COL5A3: variants seen among roughly 807,000 people sequenced by gnomAD.
The protein encoded by COL5A3 is collagen type V alpha 3 chain, also known as collagen alpha-3(V) chain.
Under a neutral mutation model 250.0 loss-of-function variants are expected in COL5A3, and 172 were observed. The observed-to-expected ratio is 0.69, with a 90% CI of 0.61 to 0.78. The LOEUF is 0.78. Among genes scored for constraint, COL5A3 ranks in the 30% least tolerant of loss-of-function variants. COL5A3 has a pLI of 0.00. For synonymous variants in COL5A3, 937 were observed against 900.4 expected, an observed-to-expected ratio of 1.04 and a Z score of -0.73; for missense variants, 2,340 against 2,334.4, an observed-to-expected ratio of 1.00 and a Z score of -0.05.
chr19:9,974,881 T>TTTTG (rs554414499), intron 45 of COL5A3, among the ~76,000 whole-genome samples: 4 of 151,890 alleles, frequency 2.6e-5, no homozygotes, highest in African/African-American at 9.7e-5. Context: ...GTTTGTTTGT[T>TTTTG]TTTGTTTGTT....
At chr19:9,992,966 G>A in intron 20 of COL5A3, 57 bp downstream of exon 20, 7 of 1,608,112 alleles carry the variant, frequency 4.4e-6, no homozygotes, top group South Asian at 1.1e-5. Context: ...GGGGCCCTGG[G>A]AGTCCTGACT....
Position 10,005,966 on chromosome 19 carries a change from G to T in COL5A3, c.267C>A (p.Asn89Lys), listed in dbSNP as rs1460583154. 3.1e-6 allele frequency: 5 copies of T among 1,613,636 alleles called. No individual in the cohort carries two copies. Among genetic ancestry groups the T allele is most frequent in the East Asian group, 4.5e-5 (2 of 44,888 alleles). The change falls in exon 3 of 67, where the codon AAC (asparagine) becomes AAA (lysine). Residue 89 changes from asparagine to lysine, a missense_variant. By Grantham distance (94) the Asn-to-Lys change is moderately conservative. Transcript: ENST00000264828. ...CCCGCAAGGTGATCAGCAAGGAGAA[G>T]TTCTCAGGAAAGTGGCCTTCTGGGT... ...ELFPEGHFPE[N>K]FSLLITLRGQ... is the part of the protein sequence containing the mutation.
chr19:9,970,400 G>A (rs115069750), intron 54 of COL5A3, among the ~76,000 whole-genome samples: 4,426 of 97,498 alleles, frequency 0.045, 213 homozygotes, highest in East Asian at 0.077. Context: ...GGTGAGTGGG[G>A]TCTGTGGGGT....
chr19:9,970,556 T>G (rs1599534264), intron 54 of COL5A3, 66 bp downstream of exon 54: 70 of 1,057,024 alleles, frequency 6.6e-5, no homozygotes, highest in Middle Eastern at 3.1e-4. Flanking sequence ...GTGGGATGAG[T>G]GAGGTCTGTA....
At chr19:9,995,940 T>A in intron 15 of COL5A3, 126 bp downstream of exon 15, 1 of 982,270 alleles carries the variant, frequency 1.0e-6, no homozygotes, top group East Asian at 2.6e-5. Context: ...CACCATTCTC[T>A]AGGAAAGTCA....
chr19:9,989,125 T>A lies in COL5A3; in HGVS notation c.2144A>T (p.Lys715Met). 6.2e-7 allele frequency: 1 copy of A among 1,614,132 alleles called. No individual in the cohort carries two copies. The highest frequency in any genetic ancestry group is 8.5e-7 in the Non-Finnish European group (1 of 1,180,006). The change falls in exon 27 of 67, where the codon AAG becomes ATG. Residue 715 changes from lysine (K) to methionine (M), a missense_variant and splice_region_variant. This residue lies in a region of COL5A3 where 1,152 missense variants were observed against 1,146.3 expected (regional missense o/e 1.00). Coordinates refer to ENST00000264828, the MANE Select transcript of COL5A3 (RefSeq NM_015719.4). ...CATACCTGCAAGCGTATCACCTACCTTCACTCCCCGAGGTCCAGGATAGCC... is the reference window on the plus strand; with the variant it reads ...CATACCTGCAAGCGTATCACCTACCATCACTCCCCGAGGTCCAGGATAGCC... ...PPGYPGPRGV[K>M]GTSGNRGLQG...
In COL5A3 at chr19:9,997,984, T is replaced by A; in HGVS notation, c.1200A>T (p.Gln400His). 5.6e-6 allele frequency: 9 copies of A among 1,614,024 alleles called. No homozygotes were observed. Among genetic ancestry groups the A allele is most frequent in the Non-Finnish European group, 5.9e-6 (7 of 1,179,990 alleles). ...FEGPPGAPGP[Q>H]GVVGPSGPPG... is the part of the protein sequence containing the mutation. ...AGAAGGAAACACAGCCATGACTTAC[T>A]TGGGGTCCTGGGGCTCCTGGAGGTC... The change falls in exon 10 of 67, where the codon CAA (glutamine) becomes CAT (histidine). Residue 400 changes from glutamine (Q) to histidine (H), a missense_variant and splice_region_variant. Transcript: ENST00000264828.
chr19:9,986,403 C>G lies in COL5A3; in HGVS notation c.2264G>C (p.Gly755Ala). The G allele has an allele frequency of 6.2e-7, 1 of 1,612,494 alleles. No individual in the cohort carries two copies. Among genetic ancestry groups the G allele is most frequent in the Middle Eastern group, 1.7e-4 (1 of 6,060 alleles). Residue 755 changes from glycine to alanine, a missense_variant, in exon 30 of 67, where the codon GGT becomes GCT. Physicochemically the swap from Gly to Ala is moderately conservative, Grantham distance 60. This residue lies in a region of COL5A3 where 1,152 missense variants were observed against 1,146.3 expected (regional missense o/e 1.00). Coordinates refer to ENST00000264828, the MANE Select transcript of COL5A3 (RefSeq NM_015719.4). ...KGDQGKPGAP[G>A]PRGEDGPEGP... ...CTCAGGACCATCCTCTCCCCGGGGA[C>G]CTGGAGCTCCGGGTTTCCCCTGGAA...
chr19:9,991,824 TG>T lies in COL5A3; in HGVS notation c.1910del (p.Pro637GlnfsTer78). 6.2e-7 allele frequency: 1 copy of T among 1,609,354 alleles called. No individual in the cohort carries two copies. ...AKGNVGPPGE[P>X]GPPGQQGNHG... Reference sequence around the variant, plus strand: ...GGTTTCCCTGCTGTCCCGGAGGGCCTGGTTCTCCTGGAGGACCCTGGGGAGA... The same window carrying T: ...GGTTTCCCTGCTGTCCCGGAGGGCCTGTTCTCCTGGAGGACCCTGGGGAGA... On this transcript the variant is annotated frameshift_variant, in exon 23 of 67. Coordinates refer to ENST00000264828, the MANE Select transcript of COL5A3 (RefSeq NM_015719.4). LOFTEE classifies it high-confidence loss of function.
chr19:9,973,972 C>G lies in COL5A3; in HGVS notation c.3505G>C (p.Gly1169Arg). The G allele has an allele frequency of 6.5e-7, 1 of 1,535,698 alleles. No homozygotes were observed. The highest frequency in any genetic ancestry group is 8.8e-7 in the Non-Finnish European group (1 of 1,141,966). Residue 1169 changes from glycine (G) to arginine (R), a missense_variant and splice_region_variant, in exon 48 of 67, where the codon GGT becomes CGT. Physicochemically the swap from Gly to Arg is moderately radical, Grantham distance 125 (BLOSUM62 -2). Around this residue, in one of 3 missense-constraint regions of COL5A3, gnomAD observed 1,179 missense variants for 1,162.6 expected, o/e 1.01. Coordinates refer to ENST00000264828, the MANE Select transcript of COL5A3 (RefSeq NM_015719.4). ...CGAGGACCTGGAGCTCCATGGGGAC[C>G]CTGTGGAAGGTCAGAATTAGTACCC... ...KGEVGDVGSM[G>R]PHGAPGPRGP...
Position 9,978,559 on chromosome 19 carries a change from T to C in COL5A3, c.3018+15A>G, listed in dbSNP as rs1426720833. Reference sequence around the variant, plus strand: ...CTCCACCCTGCCCCCACCCAGCACATGGGGTTATACTTACATTGGCCCCCA... The same window carrying C: ...CTCCACCCTGCCCCCACCCAGCACACGGGGTTATACTTACATTGGCCCCCA... On this transcript the variant is annotated intron_variant, in intron 41 of 66. Transcript: ENST00000264828. The C allele has an allele frequency of 3.2e-6, 5 of 1,554,424 alleles. No homozygotes were observed. Among genetic ancestry groups the C allele is most frequent in the South Asian group, 1.1e-5 (1 of 89,214 alleles).
At chr19:9,986,877 G>GA (rs2087108456) in intron 27 of COL5A3, 119 bp from the exon 28 acceptor site, 1 of 1,081,632 alleles carries the variant, frequency 9.2e-7, no homozygotes, top group Non-Finnish European at 1.4e-6. Context: ...CAGAAGCTGG[G>GA]AGGGGCAGCT....
intron 16 of COL5A3, among the ~76,000 whole-genome samples, 161 bp downstream of exon 16, chr19:9,995,403 C>T (rs2087255482): frequency 6.6e-6 from 1 of 152,216 alleles, no homozygotes; most frequent in Admixed American, 6.5e-5. Flanking sequence ...TACGGCCTGG[C>T]CGGATTCCTT....
intron 4 of COL5A3, 70 bp from the exon 5 acceptor site, chr19:10,004,215 C>T: frequency 8.9e-7 from 1 of 1,119,050 alleles, no homozygotes. Context: ...ACCCCCTAAC[C>T]CCCAGCAGTC....
At chr19:9,990,986 G>T (rs1296799947) in intron 24 of COL5A3, among the ~76,000 whole-genome samples, 6 of 152,256 alleles carry the variant, frequency 3.9e-5, no homozygotes, top group Non-Finnish European at 1.5e-5. Flanking sequence ...GCATTTTGGG[G>T]GGCCAAGGCA....
rs2087239134 is a variant in COL5A3 at position 9,994,331 on chromosome 19, A to T, written c.1588-525T>A. Among the ~76,000 whole-genome samples the T allele has an allele frequency of 2.0e-5, 3 of 151,000 alleles. No individual in the cohort carries two copies. The South Asian group carries it at 6.3e-4, about 32-fold the overall frequency. The stretch of plus-strand genomic sequence containing the variant: ...GTAGCTGGGACTACAAGTGCACACC[A>T]CCACACCTGGCTAATTTTTTATTTG... On this transcript the variant is annotated intron_variant, in intron 16 of 66. Transcript: ENST00000264828.
At position 9,974,391 on chromosome 19, in the gene COL5A3, C is replaced by T; in HGVS notation, c.3360G>A (p.Gln1120=). ...HPGPPGADGA[Q]GRRGPPGLFG... ...AGAGGCCTGGGGGTCCCCGGCGCCC[C>T]TGAGCCCCGTCTGCTCCCTGGAAGA... Residue 1120 remains glutamine (Q), a synonymous_variant, in exon 46 of 67, where the codon CAG becomes CAA. Coordinates refer to ENST00000264828, the MANE Select transcript of COL5A3 (RefSeq NM_015719.4). 8.1e-6 allele frequency: 13 copies of T among 1,605,336 alleles called. No homozygotes were observed. Among genetic ancestry groups the T allele is most frequent in the Non-Finnish European group, 1.1e-5 (13 of 1,176,374 alleles).
chr19:9,974,122 C>CTA (rs767795569), intron 47 of COL5A3, 49 bp downstream of exon 47: 10 of 1,595,322 alleles, frequency 6.3e-6, no homozygotes, highest in Non-Finnish European at 8.6e-6. Context: ...TGCCGCCAAC[C>CTA]TATAACCCCA....
At chr19:9,976,048 T>C (rs1394320273) in intron 45 of COL5A3, among the ~76,000 whole-genome samples, 1 of 147,392 alleles carries the variant, frequency 6.8e-6, no homozygotes, top group Non-Finnish European at 1.5e-5. Flanking sequence ...TGGGATTGAA[T>C]CAGATTCTGG....
Sources: allele counts gnomAD v4.1 joint callset (sites outside exome capture counted in the v4.1 genomes callset), GRCh38; gene constraint gnomAD v4.1.1; regional missense constraint gnomAD v4.1.1; transcripts MANE v1.5; gene names NCBI Gene and HGNC (gene_info 2026-07-23, HGNC 2026-07-21).